Variants in ITGBL1 observed in about 807,000 individuals in gnomAD.
ITGBL1 encodes the protein integrin beta-like protein 1.
In ITGBL1, 51 loss-of-function variants were observed where a neutral mutation model predicts 68.5. That is an observed-to-expected ratio of 0.74 (90% CI 0.59 to 0.94). ITGBL1 has a LOEUF of 0.94. Ranked by LOEUF, ITGBL1 falls within the 40% of genes least tolerant of loss-of-function variation. ITGBL1 has a pLI of 0.00. For missense variants in ITGBL1, 649 were observed against 647.4 expected, an observed-to-expected ratio of 1.00 and a Z score of -0.03; for synonymous variants, 209 against 227.3, an observed-to-expected ratio of 0.92 and a Z score of 0.72.
chr13:101,569,107 TACAC>T (rs765379576), intron 3 of ITGBL1, among the ~76,000 whole-genome samples: 21 of 128,868 alleles, frequency 1.6e-4, no homozygotes, highest in African/African-American at 5.5e-4. Flanking sequence ...CACCCCTCCA[TACAC>T]ACACACACAC....
chr13:101,459,380 T>TTATG (rs1388589496), intron 2 of ITGBL1, among the ~76,000 whole-genome samples: 2 of 152,224 alleles, frequency 1.3e-5, no homozygotes, highest in Non-Finnish European at 2.9e-5. Context: ...GAGCATGATT[T>TTATG]TATGTATGTA....
intron 7 of ITGBL1, among the ~76,000 whole-genome samples, chr13:101,604,951 CAT>C (rs1452905724): frequency 7.2e-4 from 4 of 5,576 alleles, no homozygotes; most frequent in Admixed American, 2.9e-3. Flanking sequence ...TATATGTGTA[CAT>C]GTGTATATGT....
At chr13:101,533,668 T>C (rs888947461) in intron 2 of ITGBL1, among the ~76,000 whole-genome samples, 1 of 152,182 alleles carries the variant, frequency 6.6e-6, no homozygotes, top group Non-Finnish European at 1.5e-5. Flanking sequence ...TGAAACTCAT[T>C]TGGTATGATA....
intron 2 of ITGBL1, among the ~76,000 whole-genome samples, chr13:101,521,412 C>T (rs2049282085): frequency 2.0e-5 from 3 of 152,196 alleles, no homozygotes. Flanking sequence ...GAGGGAGGAT[C>T]AGGGATTTTT....
At chr13:101,557,595 A>AT (rs1324845776) in intron 2 of ITGBL1, among the ~76,000 whole-genome samples, 20 of 152,038 alleles carry the variant, frequency 1.3e-4, no homozygotes, top group Admixed American at 8.5e-4. Context: ...GAAGATGCAT[A>AT]TTTTTTTTCA....
At chr13:101,454,414 C>A (rs959468789) in intron 2 of ITGBL1, among the ~76,000 whole-genome samples, 1 of 120,180 alleles carries the variant, frequency 8.3e-6, no homozygotes, top group Admixed American at 8.1e-5. Context: ...CCCCCCCCCC[C>A]CAACTCCTGG....
chr13:101,631,509 CAGAAG>C (rs2031977800), intron 7 of ITGBL1, among the ~76,000 whole-genome samples: 1 of 152,018 alleles, frequency 6.6e-6, no homozygotes, highest in South Asian at 2.1e-4. Flanking sequence ...AGAGAAACTG[CAGAAG>C]AGAAGTGCAA....
intron 2 of ITGBL1, among the ~76,000 whole-genome samples, chr13:101,492,741 T>A (rs1330013290): frequency 6.6e-6 from 1 of 152,220 alleles, no homozygotes; most frequent in Non-Finnish European, 1.5e-5. Context: ...CAGCTGTTGG[T>A]GGAATAAATG....
chr13:101,456,804 A>G (rs567410775), intron 2 of ITGBL1, among the ~76,000 whole-genome samples: 13 of 152,336 alleles, frequency 8.5e-5, no homozygotes, highest in Middle Eastern at 6.8e-3. Flanking sequence ...AATCCCAGCT[A>G]CTTGGAAGGC....
chr13:101,479,566 A>G (rs1482015836), intron 2 of ITGBL1, among the ~76,000 whole-genome samples: 2 of 152,114 alleles, frequency 1.3e-5, no homozygotes, highest in Non-Finnish European at 2.9e-5. Context: ...TCATTTGACA[A>G]GAGATTAATA....
intron 2 of ITGBL1, among the ~76,000 whole-genome samples, chr13:101,561,719 T>C (rs914442057): frequency 3.9e-5 from 6 of 152,140 alleles, no homozygotes; most frequent in African/African-American, 1.2e-4. Context: ...GAAATAAATG[T>C]TAGCATTGAA....
chr13:101,565,007 G>C (rs542435081), intron 2 of ITGBL1, among the ~76,000 whole-genome samples: 1 of 152,142 alleles, frequency 6.6e-6, no homozygotes, highest in African/African-American at 2.4e-5. Flanking sequence ...GCAACTGAGA[G>C]AGAGGCATGG....
chr13:101,533,700 A>C (rs1030155933), intron 2 of ITGBL1, among the ~76,000 whole-genome samples: 4 of 152,236 alleles, frequency 2.6e-5, no homozygotes, highest in African/African-American at 9.6e-5. Flanking sequence ...AACAGAGAAG[A>C]CTTTGCAGCA....
At chr13:101,642,215 C>G (rs370358223) in intron 7 of ITGBL1, among the ~76,000 whole-genome samples, 1 of 152,042 alleles carries the variant, frequency 6.6e-6, no homozygotes, top group Non-Finnish European at 1.5e-5. Flanking sequence ...CACATCCTCT[C>G]CAGCACTTGT....
intron 6 of ITGBL1, among the ~76,000 whole-genome samples, chr13:101,593,770 G>A (rs2050697501): frequency 6.6e-6 from 1 of 152,086 alleles, no homozygotes; most frequent in Non-Finnish European, 1.5e-5. Flanking sequence ...GAGGAAGATG[G>A]GAGGATAGGG....
chr13:101,637,628 C>T (rs2032220801), intron 7 of ITGBL1, among the ~76,000 whole-genome samples: 1 of 152,166 alleles, frequency 6.6e-6, no homozygotes, highest in Non-Finnish European at 1.5e-5. Flanking sequence ...CAGGCGTGAG[C>T]CACCATGCAC....
intron 6 of ITGBL1, among the ~76,000 whole-genome samples, chr13:101,585,678 C>T (rs958391015): frequency 1.4e-4 from 21 of 152,096 alleles, no homozygotes; most frequent in Admixed American, 1.4e-3. Context: ...GATCCGCCAG[C>T]CTCGGCCTCC....
intron 7 of ITGBL1, among the ~76,000 whole-genome samples, chr13:101,647,856 A>G (rs958030718): frequency 1.3e-5 from 2 of 152,234 alleles, no homozygotes; most frequent in African/African-American, 4.8e-5. Flanking sequence ...GAACAGTGAA[A>G]GATTAGAGAA....
intron 1 of ITGBL1, among the ~76,000 whole-genome samples, 153 bp from the exon 2 acceptor site, chr13:101,453,730 G>C (rs1345367838): frequency 6.6e-6 from 1 of 152,162 alleles, no homozygotes; most frequent in African/African-American, 2.4e-5. Context: ...TCCAGGCAGC[G>C]CTTGGACCCC....
Sources: gnomAD v4.1 joint callset for allele counts (sites outside exome capture counted in the v4.1 genomes callset) on GRCh38, gnomAD v4.1.1 for gene constraint, MANE v1.5 for transcripts, NCBI Gene and HGNC (gene_info 2026-07-23, HGNC 2026-07-21) for gene names.